The following ARHGEF6 variants were observed in gnomAD, a reference collection of about 807,000 sequenced individuals.
ARHGEF6 encodes rho guanine nucleotide exchange factor 6.
ARHGEF6 carries 9 observed loss-of-function variants against 70.3 expected under a neutral mutation model. The observed-to-expected ratio is 0.13, with a 90% CI of 0.08 to 0.22. ARHGEF6 has a LOEUF of 0.22. ARHGEF6 is among the 10% of genes least tolerant of loss of function. The pLI is 1.00. For synonymous variants in ARHGEF6, 201 were observed against 207.8 expected (o/e 0.97, Z 0.28); for missense variants, 470 against 563.0 (o/e 0.83, Z 1.67).
intron 6 of ARHGEF6, among the ~76,000 whole-genome samples, chrX:136,715,047 G>A (rs943417902): frequency 2.7e-5 from 3 of 111,927 alleles, no homozygotes; most frequent in Non-Finnish European, 5.6e-5. Flanking sequence ...GCCCCCAGTT[G>A]AGAATCACTG....
intron 6 of ARHGEF6, among the ~76,000 whole-genome samples, chrX:136,727,703 T>C (rs1434110413): frequency 1.8e-5 from 2 of 110,020 alleles, no homozygotes; most frequent in Admixed American, 9.7e-5. Context: ...CCAGCTAATT[T>C]TTGTATTTTT....
chrX:136,676,679 A>G lies in ARHGEF6; in HGVS notation c.1890T>C (p.Leu630=). ...SKSPKTMKKF[L]HKRKTERKPS... ...GTTTTCTCTCAGTCTTCCTTTTATG[A>G]AGAAATTTCTTCATCGTTTTAGGGC... Residue 630 remains leucine, a synonymous_variant, in exon 18 of 22, where the codon CTT becomes CTC. Transcript: ENST00000250617. The G allele has an allele frequency of 8.3e-7, 1 of 1,208,047 alleles. No homozygotes were observed. Among genetic ancestry groups the G allele is most frequent in the Non-Finnish European group, 1.1e-6 (1 of 892,025 alleles).
chrX:136,774,341 A>G (rs1371591670), intron 2 of ARHGEF6, among the ~76,000 whole-genome samples: 2 of 108,817 alleles, frequency 1.8e-5, no homozygotes, highest in African/African-American at 6.8e-5. Flanking sequence ...CCATGTTTTT[A>G]TTTGAAAAAA....
At chrX:136,714,060 A>C (rs1244565846) in intron 6 of ARHGEF6, among the ~76,000 whole-genome samples, 2 of 112,184 alleles carry the variant, frequency 1.8e-5, no homozygotes, top group Non-Finnish European at 3.8e-5. Flanking sequence ...TCTTTTCTTA[A>C]AGGCAAAAGG....
chrX:136,754,428 T>C (rs1262467472), intron 2 of ARHGEF6, among the ~76,000 whole-genome samples: 2 of 107,743 alleles, frequency 1.9e-5, no homozygotes, highest in Non-Finnish European at 3.8e-5. Context: ...CTTCTAAAAA[T>C]ACAAAAATTA....
At chrX:136,776,878 G>GATAA (rs59514085) in intron 2 of ARHGEF6, among the ~76,000 whole-genome samples, 28,194 of 99,709 alleles carry the variant, frequency 0.28, 3,839 homozygotes, top group Non-Finnish European at 0.36. Flanking sequence ...TAAATAAATA[G>GATAA]ATAAATAAAT....
chrX:136,712,761 T>C (rs762481939), intron 7 of ARHGEF6, among the ~76,000 whole-genome samples: 1 of 112,517 alleles, frequency 8.9e-6, no homozygotes, highest in African/African-American at 3.2e-5. Flanking sequence ...TTTGAACATT[T>C]TGTCTTTAAA....
intron 9 of ARHGEF6, among the ~76,000 whole-genome samples, chrX:136,693,154 A>G (rs1388967081): frequency 8.9e-6 from 1 of 112,335 alleles, no homozygotes; most frequent in Admixed American, 9.4e-5. Flanking sequence ...TAATTGATGC[A>G]AGAGTGAAAG....
chrX:136,757,466 G>C (rs1242670904), intron 2 of ARHGEF6, among the ~76,000 whole-genome samples: 1 of 111,607 alleles, frequency 9.0e-6, no homozygotes, highest in Non-Finnish European at 1.9e-5. Flanking sequence ...ACCTTAGCAG[G>C]CCCATCGTTT....
At chrX:136,735,137 G>T (rs776594931) in intron 5 of ARHGEF6, among the ~76,000 whole-genome samples, 6 of 111,903 alleles carry the variant, frequency 5.4e-5, no homozygotes, top group Non-Finnish European at 3.8e-5. Context: ...TGAAGTTCTA[G>T]TTCTCTCTGC....
chrX:136,695,534 C>T (rs928586580), intron 9 of ARHGEF6, among the ~76,000 whole-genome samples: 1 of 112,419 alleles, frequency 8.9e-6, no homozygotes, highest in African/African-American at 3.2e-5. Context: ...ACAATGGAAA[C>T]TTCTCTAAAC....
chrX:136,728,002 A>G (rs932887927), intron 6 of ARHGEF6, among the ~76,000 whole-genome samples: 1 of 112,179 alleles, frequency 8.9e-6, no homozygotes, highest in Non-Finnish European at 1.9e-5. Context: ...GCCAAGACCT[A>G]AGTGCTGCAC....
intron 5 of ARHGEF6, among the ~76,000 whole-genome samples, chrX:136,736,348 A>G (rs778755324): frequency 8.9e-6 from 1 of 112,187 alleles, no homozygotes; most frequent in East Asian, 2.8e-4. Flanking sequence ...ACAAGAGCAA[A>G]GTCCCTTAAT....
intron 2 of ARHGEF6, among the ~76,000 whole-genome samples, chrX:136,760,458 T>C (rs1023492493): frequency 8.9e-6 from 1 of 112,355 alleles, no homozygotes; most frequent in African/African-American, 3.2e-5. Flanking sequence ...TGTTCTGTTG[T>C]CCCCAGAAAC....
At chrX:136,719,677 T>C (rs935964089) in intron 6 of ARHGEF6, among the ~76,000 whole-genome samples, 13 of 110,618 alleles carry the variant, frequency 1.2e-4, no homozygotes, top group African/African-American at 4.3e-4. Flanking sequence ...ATCAATGAGA[T>C]TGAAAACAGA....
intron 2 of ARHGEF6, among the ~76,000 whole-genome samples, chrX:136,760,127 A>G (rs988334632): frequency 8.9e-6 from 1 of 112,441 alleles, no homozygotes; most frequent in Non-Finnish European, 1.9e-5. Context: ...AAATGCAGAT[A>G]CAGAGTAGCT....
intron 2 of ARHGEF6, among the ~76,000 whole-genome samples, chrX:136,760,819 A>G (rs2077257873): frequency 8.9e-6 from 1 of 112,156 alleles, no homozygotes. Context: ...TTAAACGATC[A>G]TCTTGCTTTG....
chrX:136,689,867 A>C (rs1277450199), intron 10 of ARHGEF6, among the ~76,000 whole-genome samples: 1 of 111,465 alleles, frequency 9.0e-6, no homozygotes, highest in Non-Finnish European at 1.9e-5. Context: ...AGAATGGCTC[A>C]AGGAGCTAGC....
chrX:136,771,547 AC>A (rs2077363494), intron 2 of ARHGEF6, among the ~76,000 whole-genome samples: 1 of 112,393 alleles, frequency 8.9e-6, no homozygotes, highest in Admixed American at 9.5e-5. Context: ...ATGAATTTGG[AC>A]CCGTACCTCC....
Sources: gnomAD v4.1 joint callset for allele counts (sites outside exome capture counted in the v4.1 genomes callset) on GRCh38, gnomAD v4.1.1 for gene constraint, MANE v1.5 for transcripts, NCBI Gene and HGNC (gene_info 2026-07-23, HGNC 2026-07-21) for gene names.